The following SERPINB7 variants were observed in gnomAD, a reference collection of about 807,000 sequenced individuals.
The protein encoded by SERPINB7 is serpin family B member 7, also known as serpin B7.
Under a neutral mutation model 37.4 loss-of-function variants are expected in SERPINB7, and 31 were observed. That is an observed-to-expected ratio of 0.83 (90% confidence interval 0.62 to 1.12). The LOEUF is 1.12. Among genes scored for constraint, SERPINB7 ranks in the 50% most tolerant of loss-of-function variants. SERPINB7 has a pLI of 0.00. For synonymous variants in SERPINB7, 163 were observed against 166.1 expected (o/e 0.98, Z 0.14); for missense variants, 521 against 455.3 (o/e 1.14, Z -1.31).
intron 1 of SERPINB7, among the ~76,000 whole-genome samples, chr18:63,759,440 GT>G (rs146139992): frequency 0.033 from 4,977 of 152,188 alleles, 128 homozygotes; most frequent in African/African-American, 0.066. Flanking sequence ...GCATATGTAG[GT>G]TTTTTTCCTT....
intron 1 of SERPINB7, among the ~76,000 whole-genome samples, chr18:63,759,826 C>T (rs190251035): frequency 6.6e-6 from 1 of 152,204 alleles, no homozygotes; most frequent in Non-Finnish European, 1.5e-5. Flanking sequence ...TCTCTTGTCA[C>T]TACCATGTAA....
chr18:63,799,824 TC>T (rs775358990), intron 6 of SERPINB7, among the ~76,000 whole-genome samples: 23 of 152,180 alleles, frequency 1.5e-4, no homozygotes, highest in Non-Finnish European at 3.2e-4. Flanking sequence ...GAATTATCTG[TC>T]CTCCCCATGT....
chr18:63,786,655 A>C (rs1420315319), intron 2 of SERPINB7, among the ~76,000 whole-genome samples: 2 of 152,204 alleles, frequency 1.3e-5, no homozygotes, highest in South Asian at 2.1e-4. Flanking sequence ...AATGTCCTGA[A>C]ATTTCTTAGA....
At chr18:63,791,894 G>T (rs2049432985) in intron 2 of SERPINB7, among the ~76,000 whole-genome samples, 1 of 152,168 alleles carries the variant, frequency 6.6e-6, no homozygotes. Flanking sequence ...ACAGGCCTGA[G>T]CCACCGCACC....
At chr18:63,784,087 T>A (rs1263177208) in intron 2 of SERPINB7, among the ~76,000 whole-genome samples, 1 of 152,208 alleles carries the variant, frequency 6.6e-6, no homozygotes, top group East Asian at 1.9e-4. Context: ...GGATCTGGGA[T>A]AAGCCCTAAG....
chr18:63,758,995 G>T (rs2049137515), intron 1 of SERPINB7, among the ~76,000 whole-genome samples: 1 of 152,178 alleles, frequency 6.6e-6, no homozygotes, highest in African/African-American at 2.4e-5. Context: ...CCACTTCTTG[G>T]TGAGTGGCTG....
chr18:63,754,961 G>A (rs1306551033), intron 1 of SERPINB7, among the ~76,000 whole-genome samples: 4 of 133,958 alleles, frequency 3.0e-5, no homozygotes, highest in Admixed American at 8.6e-5. Flanking sequence ...CTGCAGTGGC[G>A]CAATCTCGGC....
At position 63,804,412 on chromosome 18, in the gene SERPINB7, T is replaced by C. The variant is rs2049584320; in HGVS notation, c.920T>C (p.Leu307Pro). 1 of 1,613,770 alleles carries C rather than the reference T, an allele frequency of 6.2e-7. No individual in the cohort carries two copies. The change falls in exon 8 of 8, where the codon CTC (leucine) becomes CCC (proline). Residue 307 changes from leucine (L) to proline (P), a missense_variant. Transcript: ENST00000398019. ...KDIFDESKAD[L>P]SGIASGGRLY... ...ATCTTTGATGAATCCAAAGCAGATCTCTCTGGGATTGCTTCGGGGGGTCGT... is the reference window on the plus strand; with the variant it reads ...ATCTTTGATGAATCCAAAGCAGATCCCTCTGGGATTGCTTCGGGGGGTCGT...
At chr18:63,770,446 G>T (rs1055103808), upstream of SERPINB7, among the ~76,000 whole-genome samples, 5 of 151,852 alleles carry the variant, frequency 3.3e-5, no homozygotes, top group Admixed American at 2.6e-4. Flanking sequence ...GTTGTAATTA[G>T]CAGGAAAGAA....
intron 1 of SERPINB7, among the ~76,000 whole-genome samples, chr18:63,762,476 G>A (rs920216101): frequency 6.6e-6 from 1 of 152,134 alleles, no homozygotes; most frequent in Non-Finnish European, 1.5e-5. Context: ...ATGCATATCA[G>A]GTGCTTGAAG....
intron 1 of SERPINB7, among the ~76,000 whole-genome samples, chr18:63,763,051 C>T (rs548920536): frequency 2.0e-5 from 3 of 152,110 alleles, no homozygotes; most frequent in African/African-American, 7.2e-5. Context: ...TAGCATAAAA[C>T]ATACTCCTTT....
chr18:63,798,258 G>C (rs1006193795), intron 5 of SERPINB7, among the ~76,000 whole-genome samples: 1 of 152,144 alleles, frequency 6.6e-6, no homozygotes, highest in Non-Finnish European at 1.5e-5. Flanking sequence ...AAGGCACTTT[G>C]GTACCTATGA....
chr18:63,772,241 C>T (rs1568202924), upstream of SERPINB7, among the ~76,000 whole-genome samples: 1 of 151,544 alleles, frequency 6.6e-6, no homozygotes, highest in Non-Finnish European at 1.5e-5. Context: ...ATCTATCTAT[C>T]TATTAATAAA....
rs1210780531 is a variant in SERPINB7, at chr18:63,786,014, CATATATAATATACGTATATATACACAT to C, written c.168+3487_168+3513del. On this transcript the variant is annotated intron_variant, in intron 2 of 7. Coordinates refer to ENST00000398019, the MANE Select transcript of SERPINB7 (RefSeq NM_003784.4). Reference sequence around the variant, plus strand: ...CATATATAATATACGTATATATACACATATATAATATACGTATATATACACATATATATAATATATGTATATATAATA... The same window carrying C: ...CATATATAATATACGTATATATACACATATATAATATATGTATATATAATA... Among the ~76,000 whole-genome samples, 88 of 135,830 alleles carry C rather than the reference CATATATAATATACGTATATATACACAT, an allele frequency of 6.5e-4. 4 individuals are homozygous for C. Among genetic ancestry groups the C allele is most frequent in the African/African-American group, 2.4e-3 (85 of 36,006 alleles). The allele number at this position is 135,830 out of a possible 152,430, so 89.1% of individuals were successfully genotyped here.
chr18:63,790,180 T>C (rs536859283), intron 2 of SERPINB7, among the ~76,000 whole-genome samples: 1 of 152,358 alleles, frequency 6.6e-6, no homozygotes, highest in South Asian at 2.1e-4. Flanking sequence ...AGTTTTATTA[T>C]ATTATGAATT....
chr18:63,802,705 T>C (rs550871813), intron 7 of SERPINB7, among the ~76,000 whole-genome samples: 80 of 152,290 alleles, frequency 5.3e-4, no homozygotes, highest in Middle Eastern at 6.8e-3. Flanking sequence ...TGCTGTGGAA[T>C]AACAGGACAG....
chr18:63,793,356 T>G, intron 4 of SERPINB7, 79 bp downstream of exon 4: 1 of 702,148 alleles, frequency 1.4e-6, no homozygotes, highest in South Asian at 2.1e-5. Flanking sequence ...GTCTTTCTAC[T>G]GAGCAATACA....
intron 4 of SERPINB7, among the ~76,000 whole-genome samples, chr18:63,794,448 T>G (rs2049464060): frequency 6.6e-6 from 1 of 152,012 alleles, no homozygotes; most frequent in Non-Finnish European, 1.5e-5. Context: ...CCCAGCACTT[T>G]GGGAGGCCGA....
upstream of SERPINB7, among the ~76,000 whole-genome samples, chr18:63,770,862 A>G (rs111930999): frequency 0.016 from 1,809 of 115,548 alleles, 47 homozygotes; most frequent in African/African-American, 0.054. Context: ...TTTTATTTCC[A>G]GTCTGCACAT....
Sources: gnomAD v4.1 joint callset for allele counts (sites outside exome capture counted in the v4.1 genomes callset) on GRCh38, gnomAD v4.1.1 for gene constraint, MANE v1.5 for transcripts, NCBI Gene and HGNC (gene_info 2026-07-23, HGNC 2026-07-21) for gene names.